ESCO2: variants seen among roughly 807,000 people sequenced by gnomAD.
ESCO2 encodes the protein N-acetyltransferase ESCO2.
ESCO2 carries 51 observed loss-of-function variants against 61.7 expected under a neutral mutation model. That is an observed-to-expected ratio of 0.83 (90% CI 0.66 to 1.04). The LOEUF (loss-of-function observed/expected upper bound fraction) is 1.04, where lower values mean the gene tolerates loss of function less well. Among genes scored for constraint, ESCO2 ranks in the 50% least tolerant of loss-of-function variants. The pLI is 0.00. For synonymous variants in ESCO2, 230 were observed against 238.2 expected (o/e 0.97, Z 0.32); for missense variants, 692 against 686.2 (o/e 1.01, Z -0.09).
upstream of ESCO2, chr8:27,774,431 C>CA (rs1804732923): frequency 6.6e-6 from 1 of 152,122 alleles, no homozygotes; most frequent in Non-Finnish European, 1.5e-5. Flanking sequence ...AAACAGCCAC[C>CA]AGGGTGGGCG....
rs139363910 is a variant in ESCO2, at chr8:27,786,208, C to T, written c.1014-1677C>T. Among the ~76,000 whole-genome samples the T allele has an allele frequency of 8.9e-4, 135 of 152,180 alleles. 2 individuals are homozygous for T. In the East Asian group the frequency reaches 0.018, roughly 21 times the overall value. On this transcript the variant is annotated intron_variant, in intron 5 of 10. Transcript: ENST00000305188. ...TACTATGGGACTGAACGAAGGTGGA[C>T]GAACGCAGAAATGAAGACAAAGACA...
downstream of ESCO2, chr8:27,812,599 A>G (rs1805710955): frequency 6.7e-6 from 1 of 150,364 alleles, no homozygotes; most frequent in Non-Finnish European, 1.5e-5. Flanking sequence ...TCCAGAATCT[A>G]CAAAGAACTC....
chr8:27,776,719 C>G lies in ESCO2; in HGVS notation c.411C>G (p.Asn137Lys). The change falls in exon 3 of 11, where the codon AAC becomes AAG. Residue 137 changes from asparagine to lysine, a missense_variant. Transcript: ENST00000305188. Reference protein sequence around the residue: ...QGKPVCSKKNNKKPQKSLTAK... With the variant: ...QGKPVCSKKNKKKPQKSLTAK... ...AACCAGTCTGCTCCAAGAAGAACAACAAAAAACCACAGAAGAGTTTAACTG... is the reference window on the plus strand; with the variant it reads ...AACCAGTCTGCTCCAAGAAGAACAAGAAAAAACCACAGAAGAGTTTAACTG... The G allele has an allele frequency of 1.2e-6, 2 of 1,613,692 alleles. No individual in the cohort carries two copies. Among genetic ancestry groups the G allele is most frequent in the Non-Finnish European group, 1.7e-6 (2 of 1,179,966 alleles).
At chr8:27,799,500 T>C (rs879083552) in intron 9 of ESCO2, 41 bp from the exon 10 acceptor site, 1 of 1,606,158 alleles carries the variant, frequency 6.2e-7, no homozygotes, top group Non-Finnish European at 8.5e-7. Flanking sequence ...TGTGAACTCA[T>C]CTGTGGTGTT....
intron 7 of ESCO2, among the ~76,000 whole-genome samples, chr8:27,790,607 A>G (rs1242754138): frequency 2.0e-5 from 3 of 152,188 alleles, no homozygotes; most frequent in Admixed American, 6.5e-5. Context: ...TTCTTAAGTC[A>G]GGAACATCAT....
chr8:27,803,613 AG>A lies in ESCO2; in HGVS notation c.*177del. The stretch of plus-strand genomic sequence containing the variant: ...TTTGTTCCTTATGAGTTGAAAAGTC[AG>A]GAATAAATTTGTTGAAAATTATCTG... On this transcript the variant is annotated 3_prime_UTR_variant, in exon 11 of 11. Transcript: ENST00000305188. 7.3e-7 allele frequency: 1 copy of A among 1,378,716 alleles called. No homozygotes were observed. The highest frequency in any genetic ancestry group is 9.3e-7 in the Non-Finnish European group (1 of 1,073,382). The allele number at this position is 1,378,716 out of a possible 1,614,324, so 85.4% of individuals were successfully genotyped here.
At chr8:27,772,436 G>A (rs1804661231), upstream of ESCO2, 1 of 1,421,962 alleles carries the variant, frequency 7.0e-7, no homozygotes. Context: ...CGAGGGTCAG[G>A]CGCAGCGGCG....
intron 1 of ESCO2, 155 bp downstream of exon 1, chr8:27,774,762 C>T (rs1804747240): frequency 6.6e-6 from 1 of 152,336 alleles, no homozygotes; most frequent in Non-Finnish European, 1.5e-5. Context: ...CTGACTCGTT[C>T]TCCGCGCTCA....
intron 10 of ESCO2, among the ~76,000 whole-genome samples, chr8:27,802,630 A>T (rs866097568): frequency 4.3e-3 from 197 of 45,574 alleles, no homozygotes; most frequent in Admixed American, 5.8e-3. Flanking sequence ...AAAAAAAAAA[A>T]ATATATATAT....
chr8:27,797,796 A>G (rs1229702595), intron 9 of ESCO2, among the ~76,000 whole-genome samples: 1 of 152,216 alleles, frequency 6.6e-6, no homozygotes, highest in African/African-American at 2.4e-5. Context: ...AACAATTTAT[A>G]TCACCTACAA....
In ESCO2 at chr8:27,803,492, T is replaced by C; in HGVS notation, c.*54T>C. 4.4e-6 allele frequency: 7 copies of C among 1,600,046 alleles called. No homozygotes were observed. The highest frequency in any genetic ancestry group is 5.1e-6 in the Non-Finnish European group (6 of 1,172,034). On this transcript the variant is annotated 3_prime_UTR_variant, in exon 11 of 11. Transcript: ENST00000305188. Reference sequence around the variant, plus strand: ...ATCTGGATAAGTTCAAAGAGCTCCTTATTATAAAATACAAACTATTTAATA... The same window carrying C: ...ATCTGGATAAGTTCAAAGAGCTCCTCATTATAAAATACAAACTATTTAATA...
intron 10 of ESCO2, among the ~76,000 whole-genome samples, chr8:27,802,656 T>TATATA (rs1491490850): frequency 0.035 from 2,212 of 62,604 alleles, 100 homozygotes; most frequent in Non-Finnish European, 0.05. Context: ...TATATATATA[T>TATATA]TATATATATA....
downstream of ESCO2, among the ~76,000 whole-genome samples, chr8:27,815,637 AAGT>A (rs1805796484): frequency 2.0e-5 from 3 of 152,200 alleles, no homozygotes; most frequent in Admixed American, 2.0e-4. Context: ...CATACATTCT[AAGT>A]AGGTCAGATT....
intron 5 of ESCO2, among the ~76,000 whole-genome samples, chr8:27,786,675 A>G (rs1805049162): frequency 6.6e-6 from 1 of 152,208 alleles, no homozygotes; most frequent in Non-Finnish European, 1.5e-5. Flanking sequence ...TAGTCATGTG[A>G]AATGTATTTC....
chr8:27,776,361 G>A lies in ESCO2; in HGVS notation c.54-1G>A. 6.2e-7 allele frequency: 1 copy of A among 1,601,170 alleles called. No homozygotes were observed. The highest frequency in any genetic ancestry group is 8.5e-7 in the Non-Finnish European group (1 of 1,172,782). The stretch of plus-strand genomic sequence containing the variant: ...TCAATGGACTTTGTTTCTTTTTATA[G>A]CCTTTTACACTTCACTGAAAATCTG... On this transcript the variant is annotated splice_acceptor_variant, in intron 2 of 10. Transcript: ENST00000305188. LOFTEE classifies it high-confidence loss of function.
In ESCO2 at chr8:27,795,391, A is replaced by G. The variant is rs549147684; in HGVS notation, c.1497+2580A>G. Among the ~76,000 whole-genome samples, 22 of 152,228 alleles carry G rather than the reference A, an allele frequency of 1.4e-4. No individual in the cohort carries two copies. The East Asian group carries it at 4.2e-3, about 29-fold the overall frequency. ...ATTTTGTATCCTGCACCTTTTCTGC[A>G]TTTGTTTATTCTAATAGTTTTTTTG... is the stretch of plus-strand genomic sequence containing the variant. On this transcript the variant is annotated intron_variant, in intron 9 of 10. Transcript: ENST00000305188.
At chr8:27,775,614 T>C (rs1402929095) in intron 2 of ESCO2, 47 bp downstream of exon 2, 1 of 1,594,162 alleles carries the variant, frequency 6.3e-7, no homozygotes. Context: ...ATCCACCTTC[T>C]TGTCTCTCTT....
In ESCO2 at chr8:27,782,716, A is replaced by G. The variant is rs140575128; in HGVS notation, c.956-1284A>G. Among the ~76,000 whole-genome samples the G allele has an allele frequency of 1.3e-4, 20 of 149,622 alleles. No homozygotes were observed. In the East Asian group the frequency reaches 3.1e-3, roughly 23 times the overall value. On this transcript the variant is annotated intron_variant, in intron 4 of 10. Coordinates refer to ENST00000305188, the MANE Select transcript of ESCO2 (RefSeq NM_001017420.3). ...TTCCATATATAGTTAAATAATATAT[A>G]TATATTAAATAATATATTTTTTAGG... is the stretch of plus-strand genomic sequence containing the variant.
At position 27,803,564 on chromosome 8, in the gene ESCO2, A is replaced by G; in HGVS notation, c.*126A>G. 6.9e-7 allele frequency: 1 copy of G among 1,456,716 alleles called. No individual in the cohort carries two copies. The highest frequency in any genetic ancestry group is 1.4e-5 in the African/African-American group (1 of 69,692). 90.2% of individuals were successfully genotyped at this position (1,456,716 alleles called of 1,614,324 possible). ...CTCACACTCATACACACACACACAC[A>G]CACGCACACACACATATCACAGTTT... On this transcript the variant is annotated 3_prime_UTR_variant, in exon 11 of 11. Transcript: ENST00000305188.
Sources: allele counts gnomAD v4.1 joint callset (sites outside exome capture counted in the v4.1 genomes callset), GRCh38; gene constraint gnomAD v4.1.1; transcripts MANE v1.5; gene names NCBI Gene and HGNC (gene_info 2026-07-23, HGNC 2026-07-21).